LRP1B: variants seen among roughly 807,000 people sequenced by gnomAD.
LRP1B encodes the protein low-density lipoprotein receptor-related protein 1B.
LRP1B carries 217 observed loss-of-function variants against 556.6 expected under a neutral mutation model. The ratio of observed to expected loss-of-function variants is 0.39; its 90% confidence interval spans 0.35 to 0.44. The LOEUF (loss-of-function observed/expected upper bound fraction) is 0.44, where lower values mean the gene tolerates loss of function less well. LRP1B is among the 20% of genes least tolerant of loss of function. The probability of loss-of-function intolerance (pLI) is 1.00; values close to 1 mark genes in which losing one functional copy is unlikely to be tolerated. For synonymous variants in LRP1B, 2,047 were observed against 1,865.8 expected (o/e 1.10, Z -2.50); for missense variants, 5,053 against 5,620.8 (o/e 0.90, Z 3.23).
chr2:141,436,719 T>C (rs969223100), intron 3 of LRP1B, among the ~76,000 whole-genome samples: 5 of 152,178 alleles, frequency 3.3e-5, no homozygotes, highest in African/African-American at 1.2e-4. Context: ...GGGATAAATT[T>C]CCAATTAGAT....
intron 43 of LRP1B, among the ~76,000 whole-genome samples, chr2:140,586,198 A>C (rs576805988): frequency 6.6e-6 from 1 of 152,342 alleles, no homozygotes; most frequent in African/African-American, 2.4e-5. Flanking sequence ...AAAAGTAGAG[A>C]GAAAAAGCAA....
At chr2:140,661,818 T>G (rs1382918954) in intron 41 of LRP1B, among the ~76,000 whole-genome samples, 1 of 152,242 alleles carries the variant, frequency 6.6e-6, no homozygotes, top group Non-Finnish European at 1.5e-5. Context: ...TCATGTCATA[T>G]GACATATGAT....
intron 65 of LRP1B, 116 bp downstream of exon 65, chr2:140,444,214 C>A: frequency 2.8e-6 from 3 of 1,084,680 alleles, no homozygotes; most frequent in South Asian, 2.0e-5. Flanking sequence ...ATTATTTGAC[C>A]ATAATTTCTT....
chr2:141,372,515 T>G (rs1231428833), intron 3 of LRP1B, among the ~76,000 whole-genome samples: 1 of 152,022 alleles, frequency 6.6e-6, no homozygotes, highest in Non-Finnish European at 1.5e-5. Flanking sequence ...GGTCCTGGCG[T>G]TTTTTAGGGG....
rs1007164117 is a variant in LRP1B at position 141,502,751 on chromosome 2, C to T, written c.206-22218G>A. On this transcript the variant is annotated intron_variant, in intron 2 of 90. Transcript: ENST00000389484. Reference sequence around the variant, plus strand: ...CCACGTTCCTGTAGTCCCAGCTACTCAGGAGGCTGAGGCAGGAGAATTGGT... The same window carrying T: ...CCACGTTCCTGTAGTCCCAGCTACTTAGGAGGCTGAGGCAGGAGAATTGGT... Among the ~76,000 whole-genome samples, 4 of 151,526 alleles carry T rather than the reference C, an allele frequency of 2.6e-5. 1 individual carries two copies. The South Asian group carries it at 8.3e-4, about 31-fold the overall frequency.
intron 3 of LRP1B, among the ~76,000 whole-genome samples, chr2:141,339,286 T>C (rs1391818402): frequency 1.6e-5 from 2 of 128,894 alleles, no homozygotes; most frequent in African/African-American, 3.0e-5. Context: ...ATCTCACTAC[T>C]GCTTGGGGTA....
At chr2:140,374,791 T>A (rs564833004) in intron 68 of LRP1B, among the ~76,000 whole-genome samples, 16 of 152,258 alleles carry the variant, frequency 1.1e-4, no homozygotes, top group African/African-American at 3.8e-4. Flanking sequence ...ATGATTATAA[T>A]AACTATCCAG....
chr2:140,557,667 A>G (rs1680783329), intron 43 of LRP1B, among the ~76,000 whole-genome samples: 1 of 152,152 alleles, frequency 6.6e-6, no homozygotes, highest in African/African-American at 2.4e-5. Flanking sequence ...TCAAACACAT[A>G]TAATGTCTTT....
chr2:141,365,656 T>TTTTTTTGTTTGTTTGTTTTG (rs1689001521), intron 3 of LRP1B, among the ~76,000 whole-genome samples: 2 of 72,950 alleles, frequency 2.7e-5, no homozygotes, highest in African/African-American at 9.9e-5. Flanking sequence ...TTTTTGTTGC[T>TTTTTTTGTTTGTTTGTTTTG]TTTTTTTTTT....
intron 2 of LRP1B, among the ~76,000 whole-genome samples, chr2:141,656,786 T>A (rs1329736015): frequency 1.3e-5 from 2 of 152,124 alleles, no homozygotes; most frequent in East Asian, 3.8e-4. Context: ...AGCCATTCCA[T>A]TTAGACAATC....
intron 2 of LRP1B, among the ~76,000 whole-genome samples, chr2:141,553,572 G>T (rs1466056613): frequency 6.7e-6 from 1 of 150,150 alleles, no homozygotes; most frequent in Non-Finnish European, 1.5e-5. Flanking sequence ...GCTTCACCAT[G>T]TTGATTTTGG....
chr2:140,490,589 G>A (rs1219094087), intron 57 of LRP1B, among the ~76,000 whole-genome samples: 1 of 152,114 alleles, frequency 6.6e-6, no homozygotes, highest in African/African-American at 2.4e-5. Flanking sequence ...AGAGATAATT[G>A]CTTCTATGTT....
intron 3 of LRP1B, among the ~76,000 whole-genome samples, chr2:141,410,918 C>G (rs929283975): frequency 2.0e-5 from 3 of 151,900 alleles, no homozygotes; most frequent in Admixed American, 2.0e-4. Flanking sequence ...TGCTCCTATT[C>G]TTGCTATTCT....
chr2:141,692,552 G>T (rs10203762), intron 2 of LRP1B, among the ~76,000 whole-genome samples: 53,832 of 151,732 alleles, frequency 0.35, 10,369 homozygotes, highest in East Asian at 0.58. Flanking sequence ...TACCTTTTTA[G>T]CCTAAGGGCT....
Position 140,314,617 on chromosome 2 carries a change from CAT to C in LRP1B, c.12805+316_12805+317del, listed in dbSNP as rs565765127. On this transcript the variant is annotated intron_variant, in intron 83 of 90. Coordinates refer to ENST00000389484, the MANE Select transcript of LRP1B (RefSeq NM_018557.3). ...ACTACGTGCAACAACAAAAACAAAACATAAACTTTGGGGTCAAACATAGTAAG... is the reference window on the plus strand; with the variant it reads ...ACTACGTGCAACAACAAAAACAAAACAAACTTTGGGGTCAAACATAGTAAG... Among the ~76,000 whole-genome samples, 11 of 152,134 alleles carry C rather than the reference CAT, an allele frequency of 7.2e-5. No individual in the cohort carries two copies. In the South Asian group the frequency reaches 2.3e-3, roughly 32 times the overall value.
At chr2:140,732,991 CTGTG>C (rs983550460) in intron 35 of LRP1B, among the ~76,000 whole-genome samples, 2 of 152,090 alleles carry the variant, frequency 1.3e-5, no homozygotes, top group African/African-American at 4.8e-5. Context: ...ACAATTCTCT[CTGTG>C]TGTACTTGTG....
At chr2:140,706,794 T>G (rs1448215970) in intron 37 of LRP1B, among the ~76,000 whole-genome samples, 2 of 150,828 alleles carry the variant, frequency 1.3e-5, no homozygotes, top group African/African-American at 2.4e-5. Context: ...GACATCAGAA[T>G]TAGTCTAGAT....
At chr2:141,904,162 A>G (rs1207441186) in intron 1 of LRP1B, among the ~76,000 whole-genome samples, 3 of 151,950 alleles carry the variant, frequency 2.0e-5, no homozygotes, top group African/African-American at 7.2e-5. Context: ...ATTCAGAAAG[A>G]CCAGTGGTAG....
chr2:140,853,451 A>G (rs1419453418), intron 27 of LRP1B, among the ~76,000 whole-genome samples: 1 of 152,184 alleles, frequency 6.6e-6, no homozygotes, highest in East Asian at 1.9e-4. Flanking sequence ...CTTTCGTTAC[A>G]GACCTCAGCC....
Sources: allele counts gnomAD v4.1 joint callset (sites outside exome capture counted in the v4.1 genomes callset), GRCh38; gene constraint gnomAD v4.1.1; transcripts MANE v1.5; gene names NCBI Gene and HGNC (gene_info 2026-07-23, HGNC 2026-07-21).